Variants in THSD7B observed in about 807,000 individuals in gnomAD.
The protein encoded by THSD7B is thrombospondin type 1 domain containing 7B.
Under a neutral mutation model 213.6 loss-of-function variants are expected in THSD7B, and 138 were observed. That is an observed-to-expected ratio of 0.65 (90% CI 0.56 to 0.74). The LOEUF is 0.74. Among genes scored for constraint, THSD7B ranks in the 30% least tolerant of loss-of-function variants. THSD7B has a pLI of 0.00. For synonymous variants in THSD7B, 742 were observed against 687.0 expected (o/e 1.08, Z -1.25); for missense variants, 1,931 against 1,991.5 (o/e 0.97, Z 0.58).
At chr2:137,126,154 C>T (rs994869301) in intron 5 of THSD7B, among the ~76,000 whole-genome samples, 3 of 152,126 alleles carry the variant, frequency 2.0e-5, no homozygotes, top group South Asian at 2.1e-4. Flanking sequence ...CCAGCTGCAT[C>T]GGCCCCTAAT....
intron 15 of THSD7B, among the ~76,000 whole-genome samples, chr2:137,452,947 G>T (rs1222288492): frequency 6.6e-6 from 1 of 152,076 alleles, no homozygotes; most frequent in Non-Finnish European, 1.5e-5. Flanking sequence ...AATAAGTAAA[G>T]GTAGGTCTGT....
At chr2:137,043,620 A>AT (rs1240587911) in intron 2 of THSD7B, among the ~76,000 whole-genome samples, 4 of 151,992 alleles carry the variant, frequency 2.6e-5, no homozygotes, top group Non-Finnish European at 5.9e-5. Flanking sequence ...AGAAGCAGAG[A>AT]CTCCTTACCT....
chr2:137,371,329 G>A (rs374112282), intron 12 of THSD7B, among the ~76,000 whole-genome samples: 92 of 152,170 alleles, frequency 6.0e-4, no homozygotes, highest in Middle Eastern at 3.4e-3. Context: ...TTTTTATTCC[G>A]TTCTCACACT....
chr2:137,524,766 C>G (rs1452126551), intron 15 of THSD7B, among the ~76,000 whole-genome samples: 2 of 152,074 alleles, frequency 1.3e-5, no homozygotes, highest in Non-Finnish European at 2.9e-5. Flanking sequence ...GATGAATATT[C>G]CATGGATATG....
chr2:137,095,488 C>A (rs7561951), intron 4 of THSD7B, among the ~76,000 whole-genome samples: 35,761 of 152,018 alleles, frequency 0.24, 5,761 homozygotes, highest in African/African-American at 0.44. Flanking sequence ...AGAGGCCATT[C>A]ATGGCATCTC....
chr2:137,038,613 G>A (rs375865722), intron 2 of THSD7B, among the ~76,000 whole-genome samples: 28 of 152,332 alleles, frequency 1.8e-4, no homozygotes, highest in South Asian at 1.0e-3. Context: ...GGGAAGATAA[G>A]ATTAATCATT....
chr2:137,491,316 T>C (rs1688601949), intron 15 of THSD7B, among the ~76,000 whole-genome samples: 1 of 152,208 alleles, frequency 6.6e-6, no homozygotes, highest in African/African-American at 2.4e-5. Flanking sequence ...TACATTCACC[T>C]TTGTGAATTG....
chr2:137,066,445 C>T (rs1284064989), intron 3 of THSD7B, among the ~76,000 whole-genome samples: 8 of 152,090 alleles, frequency 5.3e-5, no homozygotes, highest in African/African-American at 1.4e-4. Flanking sequence ...CTGCCCACTT[C>T]GGCCTCCCAA....
intron 15 of THSD7B, among the ~76,000 whole-genome samples, chr2:137,463,050 C>T (rs1201593617): frequency 2.0e-5 from 3 of 152,078 alleles, no homozygotes; most frequent in African/African-American, 4.8e-5. Flanking sequence ...AATGTATCCC[C>T]CATGGGGAAG....
intron 10 of THSD7B, among the ~76,000 whole-genome samples, chr2:137,271,606 T>C (rs1460819421): frequency 1.3e-5 from 2 of 151,522 alleles, no homozygotes; most frequent in African/African-American, 4.8e-5. Flanking sequence ...TCAAAAATGA[T>C]TTCTGTTTCT....
chr2:137,095,758 T>C (rs573094253), intron 4 of THSD7B, among the ~76,000 whole-genome samples: 1 of 152,236 alleles, frequency 6.6e-6, no homozygotes, highest in African/African-American at 2.4e-5. Context: ...TGCAATGGTG[T>C]GATTATGGCT....
chr2:136,927,086 A>G lies in THSD7B; in HGVS notation c.139+44769A>G, dbSNP rs185386943. On this transcript the variant is annotated intron_variant, in intron 2 of 27. Transcript: ENST00000409968. ...CCAAAAAGACCTTATGATTTGTCTT[A>G]TGCCTCAGCTATATATTCTGTCTTC... Among the ~76,000 whole-genome samples the G allele has an allele frequency of 9.6e-4, 146 of 152,220 alleles. 1 individual carries two copies. The highest frequency in any genetic ancestry group is 3.4e-3 in the Middle Eastern group (1 of 294).
intron 14 of THSD7B, among the ~76,000 whole-genome samples, chr2:137,434,211 A>G (rs138124537): frequency 4.6e-5 from 7 of 152,228 alleles, no homozygotes; most frequent in Non-Finnish European, 7.4e-5. Context: ...AGCTCTTTAC[A>G]TTTGTTTATG....
chr2:136,905,427 G>A (rs987289403), intron 2 of THSD7B, among the ~76,000 whole-genome samples: 1 of 152,134 alleles, frequency 6.6e-6, no homozygotes, highest in Non-Finnish European at 1.5e-5. Context: ...ATGAGAAGAC[G>A]AAGACAAAGG....
intron 15 of THSD7B, among the ~76,000 whole-genome samples, chr2:137,496,365 T>C (rs1298622560): frequency 6.6e-6 from 1 of 152,198 alleles, no homozygotes; most frequent in South Asian, 2.1e-4. Context: ...CAGCACTTTG[T>C]ACATTTTAAA....
At chr2:137,086,899 A>G (rs1051160932) in intron 3 of THSD7B, among the ~76,000 whole-genome samples, 3 of 152,248 alleles carry the variant, frequency 2.0e-5, no homozygotes, top group Non-Finnish European at 4.4e-5. Context: ...CAATACTCCT[A>G]GGGGAAATCT....
chr2:137,103,322 C>G (rs554627048), intron 4 of THSD7B, among the ~76,000 whole-genome samples: 29 of 152,160 alleles, frequency 1.9e-4, no homozygotes, highest in Non-Finnish European at 3.8e-4. Flanking sequence ...CCTTTACAGA[C>G]AAGCAAATGC....
At chr2:137,619,300 A>G (rs1315281485) in intron 19 of THSD7B, among the ~76,000 whole-genome samples, 2 of 152,254 alleles carry the variant, frequency 1.3e-5, no homozygotes, top group Non-Finnish European at 1.5e-5. Context: ...AATTGGTGGC[A>G]TTTCTCTTAA....
intron 15 of THSD7B, among the ~76,000 whole-genome samples, chr2:137,529,783 A>C (rs1680362053): frequency 6.6e-6 from 1 of 151,944 alleles, no homozygotes; most frequent in African/African-American, 2.4e-5. Context: ...GATTGAGATG[A>C]GTAATGAGAG....
Sources: allele counts gnomAD v4.1 joint callset (sites outside exome capture counted in the v4.1 genomes callset), GRCh38; gene constraint gnomAD v4.1.1; transcripts MANE v1.5; gene names NCBI Gene and HGNC (gene_info 2026-07-23, HGNC 2026-07-21).